ATP8A1: variants seen among roughly 807,000 people sequenced by gnomAD.
ATP8A1 encodes the protein phospholipid-transporting ATPase IA.
Under a neutral mutation model 177.7 loss-of-function variants are expected in ATP8A1, and 90 were observed. The observed-to-expected ratio is 0.51, with a 90% CI of 0.43 to 0.60. The LOEUF (loss-of-function observed/expected upper bound fraction) is 0.60, where lower values mean the gene tolerates loss of function less well. ATP8A1 is among the 20% of genes least tolerant of loss of function. ATP8A1 has a pLI of 0.00. For synonymous variants in ATP8A1, 493 were observed against 485.9 expected (o/e 1.01, Z -0.19); for missense variants, 1,072 against 1,392.8 (o/e 0.77, Z 3.67).
intron 10 of ATP8A1, 48 bp downstream of exon 10, chr4:42,581,573 A>G (rs1478674177): frequency 7.5e-7 from 1 of 1,334,082 alleles, no homozygotes; most frequent in East Asian, 2.3e-5. Context: ...TAAATCATAC[A>G]CTCACAAAAG....
chr4:42,601,645 CAAATTATCCAGATGT>C (rs780380587), intron 5 of ATP8A1, among the ~76,000 whole-genome samples: 33 of 152,254 alleles, frequency 2.2e-4, no homozygotes, highest in Non-Finnish European at 3.4e-4. Flanking sequence ...GGCCCATCAA[CAAATTATCCAGATGT>C]AAATTCCATG....
At chr4:42,594,653 T>A (rs573825761) in intron 6 of ATP8A1, among the ~76,000 whole-genome samples, 32 of 152,242 alleles carry the variant, frequency 2.1e-4, no homozygotes, top group Non-Finnish European at 4.1e-4. Flanking sequence ...CATAAAAATA[T>A]AAAGGAGGGA....
intron 35 of ATP8A1, among the ~76,000 whole-genome samples, chr4:42,421,558 T>C (rs1011985483): frequency 4.6e-5 from 7 of 152,136 alleles, no homozygotes; most frequent in African/African-American, 1.7e-4. Context: ...GGGAAGCACC[T>C]GGCACGAAGT....
At chr4:42,555,136 TCTA>T (rs776192975) in intron 16 of ATP8A1, among the ~76,000 whole-genome samples, 1,397 of 58,260 alleles carry the variant, frequency 0.024, 30 homozygotes, top group African/African-American at 0.029. Context: ...TATCTATCTA[TCTA>T]ATCTATCTAT....
At chr4:42,548,109 G>A (rs555857284) in intron 19 of ATP8A1, among the ~76,000 whole-genome samples, 43 of 152,192 alleles carry the variant, frequency 2.8e-4, no homozygotes, top group African/African-American at 8.7e-4. Flanking sequence ...TCTATTATTC[G>A]ACCTTAAGAA....
intron 6 of ATP8A1, among the ~76,000 whole-genome samples, chr4:42,592,065 C>T (rs902875186): frequency 2.6e-5 from 4 of 152,014 alleles, no homozygotes; most frequent in Non-Finnish European, 5.9e-5. Context: ...TTCAAAGGAG[C>T]TAAGTAATGC....
At chr4:42,648,756 TATAAGTTC>T (rs1182687256) in intron 1 of ATP8A1, among the ~76,000 whole-genome samples, 1 of 152,158 alleles carries the variant, frequency 6.6e-6, no homozygotes, top group Non-Finnish European at 1.5e-5. Flanking sequence ...ATCGTTAACA[TATAAGTTC>T]TTAAACTTCA....
chr4:42,477,672 A>G (rs1228703046), intron 25 of ATP8A1, among the ~76,000 whole-genome samples: 1 of 152,158 alleles, frequency 6.6e-6, no homozygotes, highest in South Asian at 2.1e-4. Flanking sequence ...ACAAGCAGTG[A>G]TAAGAATAAA....
intron 5 of ATP8A1, among the ~76,000 whole-genome samples, chr4:42,606,890 C>G (rs571570941): frequency 6.6e-6 from 1 of 152,222 alleles, no homozygotes; most frequent in African/African-American, 2.4e-5. Flanking sequence ...GCACTCCATA[C>G]TTTTACCAGC....
At chr4:42,479,055 A>G (rs1040004372) in intron 25 of ATP8A1, among the ~76,000 whole-genome samples, 1 of 152,222 alleles carries the variant, frequency 6.6e-6, no homozygotes, top group Non-Finnish European at 1.5e-5. Flanking sequence ...GTATTGCAGG[A>G]AAGTTCTGTT....
intron 34 of ATP8A1, among the ~76,000 whole-genome samples, 164 bp from the exon 35 acceptor site, chr4:42,423,063 T>C (rs41265683): frequency 0.016 from 2,389 of 152,274 alleles, 34 homozygotes; most frequent in South Asian, 0.054. Flanking sequence ...TTTGAGAATA[T>C]AGAAATTATA....
intron 24 of ATP8A1, among the ~76,000 whole-genome samples, chr4:42,501,763 C>T (rs578006341): frequency 6.6e-6 from 1 of 152,248 alleles, no homozygotes; most frequent in East Asian, 1.9e-4. Flanking sequence ...AGTGATGTTT[C>T]CTTTCCTGCT....
intron 1 of ATP8A1, among the ~76,000 whole-genome samples, chr4:42,636,156 A>ACACACACACACGCGTGCGCGCGCG (rs565139270): frequency 0.015 from 1,341 of 90,918 alleles, 21 homozygotes; most frequent in South Asian, 0.055. Context: ...ACACACACAC[A>ACACACACACACGCGTGCGCGCGCG]CGCACACACA....
intron 9 of ATP8A1, among the ~76,000 whole-genome samples, chr4:42,586,006 GC>G (rs1439551073): frequency 6.6e-6 from 1 of 152,166 alleles, no homozygotes; most frequent in African/African-American, 2.4e-5. Flanking sequence ...GAATAGTTAA[GC>G]CTATAACACG....
intron 15 of ATP8A1, among the ~76,000 whole-genome samples, chr4:42,564,064 C>T (rs1731113564): frequency 6.6e-6 from 1 of 152,184 alleles, no homozygotes; most frequent in Non-Finnish European, 1.5e-5. Context: ...TACTGCACTC[C>T]AGCCTGGACA....
At chr4:42,421,604 A>T (rs28715874) in intron 35 of ATP8A1, among the ~76,000 whole-genome samples, 2,203 of 152,208 alleles carry the variant, frequency 0.014, 55 homozygotes, top group African/African-American at 0.051. Context: ...TTATTTTCAA[A>T]AAAGTGGCAC....
At chr4:42,534,277 G>T (rs1364170688) in intron 20 of ATP8A1, among the ~76,000 whole-genome samples, 2 of 152,050 alleles carry the variant, frequency 1.3e-5, no homozygotes, top group African/African-American at 4.8e-5. Context: ...AAAAAATGAT[G>T]CAGGATATGA....
chr4:42,491,441 G>C (rs1257127965), intron 24 of ATP8A1, among the ~76,000 whole-genome samples: 1 of 152,114 alleles, frequency 6.6e-6, no homozygotes, highest in East Asian at 1.9e-4. Flanking sequence ...TGAGAAATTA[G>C]AGACTAGCAG....
intron 22 of ATP8A1, among the ~76,000 whole-genome samples, chr4:42,509,680 G>A (rs1011441711): frequency 1.3e-5 from 2 of 151,804 alleles, no homozygotes; most frequent in East Asian, 1.9e-4. Flanking sequence ...GTGAAACCTC[G>A]TCTCTACTAA....
Sources: gnomAD v4.1 joint callset for allele counts (sites outside exome capture counted in the v4.1 genomes callset) on GRCh38, gnomAD v4.1.1 for gene constraint, MANE v1.5 for transcripts, NCBI Gene and HGNC (gene_info 2026-07-23, HGNC 2026-07-21) for gene names.